Variants in EFCAB14 observed in about 807,000 individuals in gnomAD.
The protein encoded by EFCAB14 is EF-hand calcium-binding domain-containing protein 14.
Under a neutral mutation model 56.5 loss-of-function variants are expected in EFCAB14, and 43 were observed. The observed-to-expected ratio is 0.76, with a 90% CI of 0.60 to 0.98. The LOEUF (loss-of-function observed/expected upper bound fraction) is 0.98. Ranked by LOEUF, EFCAB14 falls within the 50% of genes least tolerant of loss-of-function variation. EFCAB14 has a pLI of 0.00. For synonymous variants in EFCAB14, 235 were observed against 212.9 expected (o/e 1.10, Z -0.90); for missense variants, 538 against 580.3 (o/e 0.93, Z 0.75).
intron 3 of EFCAB14, among the ~76,000 whole-genome samples, chr1:46,706,119 G>C (rs1170958512): frequency 1.3e-5 from 2 of 152,030 alleles, no homozygotes; most frequent in Non-Finnish European, 2.9e-5. Context: ...CTCCCACCTT[G>C]GCCTCCCAAA....
intron 7 of EFCAB14, 179 bp from the exon 8 acceptor site, chr1:46,687,049 G>T: frequency 1.6e-6 from 1 of 612,084 alleles, no homozygotes; most frequent in Non-Finnish European, 2.9e-6. Flanking sequence ...GGCCAGAGAC[G>T]AAGTTGAAAC....
At chr1:46,684,968 A>G (rs1282471466) in intron 8 of EFCAB14, 10 of 177,738 alleles carry the variant, frequency 5.6e-5, no homozygotes, top group Non-Finnish European at 9.6e-5. Context: ...GAGCTATTTC[A>G]CACTAACTAA....
chr1:46,687,403 CA>C (rs546116579), intron 7 of EFCAB14, among the ~76,000 whole-genome samples: 1 of 152,324 alleles, frequency 6.6e-6, no homozygotes, highest in South Asian at 2.1e-4. Context: ...GTAAATTATA[CA>C]ACTCTGTAAA....
At chr1:46,702,037 A>C (rs984799617) in intron 3 of EFCAB14, among the ~76,000 whole-genome samples, 1 of 152,266 alleles carries the variant, frequency 6.6e-6, no homozygotes. Context: ...ATGTCAGATC[A>C]GATTCAGGCA....
intron 2 of EFCAB14, among the ~76,000 whole-genome samples, chr1:46,709,270 C>T (rs1346719168): frequency 6.6e-6 from 1 of 152,206 alleles, no homozygotes; most frequent in African/African-American, 2.4e-5. Context: ...ACCTCTTCAA[C>T]CTACTTGTGG....
chr1:46,698,992 T>C (rs1238444913), intron 3 of EFCAB14, among the ~76,000 whole-genome samples: 1 of 151,732 alleles, frequency 6.6e-6, no homozygotes, highest in Admixed American at 6.6e-5. Flanking sequence ...GTAGTAGAGG[T>C]AGTAGCAGAA....
chr1:46,719,042 T>TGGTGGCGGCGGCTGC lies in EFCAB14; in HGVS notation c.-970_-956dup, dbSNP rs1553124310. 2 of 159,138 alleles carry TGGTGGCGGCGGCTGC rather than the reference T, an allele frequency of 1.3e-5. No homozygotes were observed. The highest frequency in any genetic ancestry group is 1.3e-4 in the Admixed American group (2 of 15,358). 9.9% of individuals were successfully genotyped at this position (159,138 alleles called of 1,614,324 possible). A position where few individuals can be genotyped will look rare whatever the true frequency, so the allele number is the denominator to read the frequency against. On this transcript the variant is annotated 5_prime_UTR_variant, in exon 1 of 11. Transcript: ENST00000371933. This position sits in a 1 kb window ranked among gnomAD's most constrained non-coding sequence, Gnocchi z 4.0. Reference sequence around the variant, plus strand: ...GCTCCCGACACGTTGTTGTTGGCGTTGGTGGCGGCGGCTGCGGCGGCGGCG... The same window carrying TGGTGGCGGCGGCTGC: ...GCTCCCGACACGTTGTTGTTGGCGTTGGTGGCGGCGGCTGCGGTGGCGGCGGCTGCGGCGGCGGCG...
At position 46,678,388 on chromosome 1, in the gene EFCAB14, G is replaced by A. The variant is rs543904326; in HGVS notation, c.*73C>T. ...AGTTTGGAGGACTAGAGGACTGATG[G>A]GTAAGTAAGGGTTGTTTTGTTGTTA... On this transcript the variant is annotated 3_prime_UTR_variant, in exon 11 of 11. Coordinates refer to ENST00000371933, the MANE Select transcript of EFCAB14 (RefSeq NM_014774.3). 5 of 1,536,504 alleles carry A rather than the reference G, an allele frequency of 3.3e-6. No individual in the cohort carries two copies. In the South Asian group the frequency reaches 5.7e-5, roughly 18 times the overall value.
At chr1:46,686,732 A>C in intron 8 of EFCAB14, 52 bp downstream of exon 8, 19 of 1,555,968 alleles carry the variant, frequency 1.2e-5, no homozygotes, top group Middle Eastern at 1.7e-4. Flanking sequence ...TCAAAAGCAC[A>C]GAGATGCTGC....
chr1:46,708,634 C>T (rs1003810338), intron 2 of EFCAB14, among the ~76,000 whole-genome samples: 10 of 152,172 alleles, frequency 6.6e-5, no homozygotes, highest in Non-Finnish European at 1.3e-4. Context: ...GGTTTTACCA[C>T]CTTTCGAATG....
At chr1:46,695,221 A>T (rs1400440944) in intron 4 of EFCAB14, among the ~76,000 whole-genome samples, 1 of 150,036 alleles carries the variant, frequency 6.7e-6, no homozygotes, top group Admixed American at 6.6e-5. Context: ...AAAGTGTAAT[A>T]AAAAAAAGAA....
chr1:46,686,422 T>C (rs1016589341), intron 8 of EFCAB14, among the ~76,000 whole-genome samples: 7 of 152,240 alleles, frequency 4.6e-5, no homozygotes, highest in African/African-American at 9.6e-5. Flanking sequence ...GGAAGCCTTC[T>C]TGATCTTATC....
chr1:46,691,740 C>T (rs1396918744), intron 5 of EFCAB14, 87 bp downstream of exon 5: 1 of 846,484 alleles, frequency 1.2e-6, no homozygotes, highest in Admixed American at 2.3e-5. Flanking sequence ...CATAGCAGGG[C>T]CTTTTCAGAT....
intron 1 of EFCAB14, among the ~76,000 whole-genome samples, chr1:46,717,070 G>A (rs1677408246): frequency 6.6e-6 from 1 of 152,150 alleles, no homozygotes; most frequent in African/African-American, 2.4e-5. Context: ...TTCTGATGAA[G>A]GTAACACTTC....
chr1:46,689,513 A>G, intron 6 of EFCAB14, 74 bp downstream of exon 6: 4 of 1,447,832 alleles, frequency 2.8e-6, no homozygotes, highest in South Asian at 2.3e-5. Context: ...GACACCAAAC[A>G]CTAAGCCCAA....
chr1:46,716,397 A>T lies in EFCAB14; in HGVS notation c.232T>A (p.Phe78Ile), dbSNP rs1677393955. The T allele has an allele frequency of 1.2e-6, 2 of 1,614,058 alleles. No individual in the cohort carries two copies. Among genetic ancestry groups the T allele is most frequent in the Non-Finnish European group, 1.7e-6 (2 of 1,180,034 alleles). Residue 78 changes from phenylalanine (F) to isoleucine (I), a missense_variant, in exon 2 of 11, where the codon TTT becomes ATT. Physicochemically the swap from Phe to Ile is conservative, Grantham distance 21. Coordinates refer to ENST00000371933, the MANE Select transcript of EFCAB14 (RefSeq NM_014774.3). The part of the protein sequence containing the change: ...CCKICYPLCG[F>I]VILAACVVAC... ...ACAACACAGGCAGCAAGGATGACAAAACCACAGAGCGGATAACAGATCTTG... is the reference window on the plus strand; with the variant it reads ...ACAACACAGGCAGCAAGGATGACAATACCACAGAGCGGATAACAGATCTTG...
chr1:46,718,043 C>T lies in EFCAB14; in HGVS notation c.45G>A (p.Gly15=), dbSNP rs781558068. 2.5e-6 allele frequency: 4 copies of T among 1,614,186 alleles called. No individual in the cohort carries two copies. The highest frequency in any genetic ancestry group is 3.4e-6 in the Non-Finnish European group (4 of 1,180,026). ...TCTTGGGCTTCTTTCTCCGGCTGTC[C>T]CCAGCCAAACCAATCAATGCATTGA... The part of the protein sequence containing the change: ...KELNALIGLA[G]DSRRKKPKKG... Residue 15 remains glycine, a synonymous_variant, in exon 1 of 11, where the codon GGG becomes GGA. Transcript: ENST00000371933.
chr1:46,718,111 C>A lies in EFCAB14; in HGVS notation c.-24G>T. 6.2e-7 allele frequency: 1 copy of A among 1,608,984 alleles called. No individual in the cohort carries two copies. The highest frequency in any genetic ancestry group is 8.5e-7 in the Non-Finnish European group (1 of 1,176,546). On this transcript the variant is annotated 5_prime_UTR_variant, in exon 1 of 11. Transcript: ENST00000371933. ...ATCTTTTTGTGTGGGGTGAGTGGAG[C>A]CCCGACTCCTGAGCTGCCAGGTTCG... is the stretch of plus-strand genomic sequence containing the variant.
At chr1:46,704,832 C>A (rs895186710) in intron 3 of EFCAB14, among the ~76,000 whole-genome samples, 1 of 150,232 alleles carries the variant, frequency 6.7e-6, no homozygotes, top group Non-Finnish European at 1.5e-5. Flanking sequence ...AATTAGATTT[C>A]AACTACTAAT....
Sources: allele counts gnomAD v4.1 joint callset (sites outside exome capture counted in the v4.1 genomes callset), GRCh38; gene constraint gnomAD v4.1.1; non-coding constraint Gnocchi (gnomAD v3.1); transcripts MANE v1.5; gene names NCBI Gene and HGNC (gene_info 2026-07-23, HGNC 2026-07-21).